The following MAPK10 variants were observed in gnomAD, a reference collection of about 807,000 sequenced individuals.
MAPK10 encodes mitogen-activated protein kinase 10.
MAPK10 carries 25 observed loss-of-function variants against 59.3 expected under a neutral mutation model. The observed-to-expected ratio is 0.42, with a 90% CI of 0.31 to 0.59. MAPK10 has a LOEUF of 0.59. MAPK10 is among the 20% of genes least tolerant of loss of function. The pLI is 0.15. For missense variants in MAPK10, 351 were observed against 568.9 expected, an observed-to-expected ratio of 0.62 and a Z score of 3.90; for synonymous variants, 190 against 200.5, an observed-to-expected ratio of 0.95 and a Z score of 0.44.
intron 1 of MAPK10, among the ~76,000 whole-genome samples, chr4:86,472,455 G>A (rs949344823): frequency 2.6e-5 from 4 of 152,052 alleles, no homozygotes; most frequent in Non-Finnish European, 5.9e-5. Flanking sequence ...GACCAGCCTG[G>A]GCAACATGGC....
intron 11 of MAPK10, among the ~76,000 whole-genome samples, chr4:86,049,562 T>C (rs1389262734): frequency 2.6e-5 from 4 of 152,124 alleles, no homozygotes; most frequent in East Asian, 3.8e-4. Context: ...AGACTAAAAC[T>C]GTTCAGTTTA....
Position 86,056,718 on chromosome 4 carries a change from T to C in MAPK10, c.1110+7548A>G, listed in dbSNP as rs189971893. Among the ~76,000 whole-genome samples the C allele has an allele frequency of 7.9e-4, 118 of 150,176 alleles. 10 individuals carry two copies. The highest frequency in any genetic ancestry group is 2.9e-3 in the African/African-American group (116 of 40,288). ...CCATCATCCTCAGTCATGTGAACTA[T>C]GCTCAAAGGCTTCAGATGGTCAATA... On this transcript the variant is annotated intron_variant, in intron 11 of 13. Coordinates refer to ENST00000641462, the MANE Select transcript of MAPK10 (RefSeq NM_138982.4).
intron 1 of MAPK10, among the ~76,000 whole-genome samples, chr4:86,391,303 C>T (rs1359995211): frequency 6.6e-6 from 1 of 152,106 alleles, no homozygotes; most frequent in Non-Finnish European, 1.5e-5. Context: ...AAAAGCTTTC[C>T]TTGAAAATTT....
chr4:86,033,319 C>G (rs994818305), intron 11 of MAPK10, among the ~76,000 whole-genome samples: 20 of 152,350 alleles, frequency 1.3e-4, no homozygotes, highest in Non-Finnish European at 2.9e-4. Flanking sequence ...CGACCTTGTC[C>G]AGGACCCCTG....
chr4:86,048,273 A>AT (rs1485498524), intron 11 of MAPK10, among the ~76,000 whole-genome samples: 1 of 152,094 alleles, frequency 6.6e-6, no homozygotes, highest in Non-Finnish European at 1.5e-5. Flanking sequence ...TGTGGAAGAT[A>AT]GACATAAAAA....
intron 4 of MAPK10, among the ~76,000 whole-genome samples, chr4:86,121,587 A>G (rs2059255538): frequency 6.6e-6 from 1 of 152,142 alleles, no homozygotes; most frequent in Admixed American, 6.6e-5. Context: ...GAGGATTACA[A>G]AATATATTTT....
chr4:86,120,500 T>C (rs984951250), intron 4 of MAPK10: 1 of 152,120 alleles, frequency 6.6e-6, no homozygotes, highest in Non-Finnish European at 1.5e-5. Flanking sequence ...GGAAAGAAAA[T>C]GGCTGCTCTA....
intron 4 of MAPK10, among the ~76,000 whole-genome samples, chr4:86,130,094 A>G (rs565870761): frequency 1.3e-5 from 2 of 152,238 alleles, no homozygotes; most frequent in African/African-American, 4.8e-5. Flanking sequence ...TTTTCTTTTG[A>G]CTAAGTGCTA....
intron 4 of MAPK10, among the ~76,000 whole-genome samples, chr4:86,133,097 A>T (rs1256911620): frequency 1.3e-5 from 2 of 152,208 alleles, no homozygotes; most frequent in Non-Finnish European, 2.9e-5. Flanking sequence ...CATTATCAGT[A>T]ATGAATTGTG....
chr4:86,033,932 G>A lies in MAPK10; in HGVS notation c.1111-2501C>T, dbSNP rs1020549414. On this transcript the variant is annotated intron_variant, in intron 11 of 13. Coordinates refer to ENST00000641462, the MANE Select transcript of MAPK10 (RefSeq NM_138982.4). The stretch of plus-strand genomic sequence containing the variant: ...TGCTGGGCAGCAATCATCAGGATGA[G>A]ATAGTTCAAAACATTCCCTGCCTCC... Among the ~76,000 whole-genome samples, 4 of 152,200 alleles carry A rather than the reference G, an allele frequency of 2.6e-5. 1 individual carries two copies. Among genetic ancestry groups the A allele is most frequent in the African/African-American group, 9.6e-5 (4 of 41,452 alleles).
chr4:86,060,247 T>C (rs908311516), intron 11 of MAPK10, among the ~76,000 whole-genome samples: 1 of 152,204 alleles, frequency 6.6e-6, no homozygotes, highest in African/African-American at 2.4e-5. Context: ...TATTTGAGTT[T>C]TGATGTACTT....
At chr4:86,384,704 C>T (rs775169064) in intron 1 of MAPK10, among the ~76,000 whole-genome samples, 5 of 152,058 alleles carry the variant, frequency 3.3e-5, no homozygotes, top group African/African-American at 7.2e-5. Flanking sequence ...AATGTGGAGA[C>T]GACAGATTTG....
intron 2 of MAPK10, among the ~76,000 whole-genome samples, chr4:86,210,176 T>C (rs192268579): frequency 1.1e-4 from 16 of 152,122 alleles, no homozygotes; most frequent in Middle Eastern, 6.8e-3. Flanking sequence ...AAAAGTTCTA[T>C]AGGAAAATTT....
chr4:86,483,250 C>T (rs1212200545), intron 1 of MAPK10, among the ~76,000 whole-genome samples: 2 of 152,124 alleles, frequency 1.3e-5, no homozygotes, highest in Non-Finnish European at 2.9e-5. Flanking sequence ...GCAGAATCCT[C>T]ACCGATTCTT....
At chr4:86,508,073 TC>T (rs1163685522) in intron 1 of MAPK10, among the ~76,000 whole-genome samples, 7 of 152,234 alleles carry the variant, frequency 4.6e-5, no homozygotes, top group African/African-American at 1.7e-4. Context: ...AACATTGTCT[TC>T]TTTTACCCTC....
chr4:86,572,341 A>G (rs2149108556), intron 1 of MAPK10, among the ~76,000 whole-genome samples: 1 of 152,272 alleles, frequency 6.6e-6, no homozygotes, highest in Non-Finnish European at 1.5e-5. Flanking sequence ...TTCTTTTTGC[A>G]TTAGAAACAA....
At chr4:86,189,491 T>G (rs541166273) in intron 3 of MAPK10, among the ~76,000 whole-genome samples, 24 of 152,288 alleles carry the variant, frequency 1.6e-4, no homozygotes, top group African/African-American at 5.8e-4. Flanking sequence ...TTCCTAGGTA[T>G]TTTATTCTCT....
At chr4:86,550,424 C>A in intron 1 of MAPK10, among the ~76,000 whole-genome samples, 1 of 135,780 alleles carries the variant, frequency 7.4e-6, no homozygotes, top group Admixed American at 7.5e-5. Flanking sequence ...CCAGGCCAGG[C>A]ACAGTGGCTT....
At chr4:86,193,649 T>A in intron 3 of MAPK10, 1 of 152,516 alleles carries the variant, frequency 6.6e-6, no homozygotes, top group East Asian at 1.9e-4. Flanking sequence ...TGCTGTGCTG[T>A]CAGTGAGAAT....
Sources: gnomAD v4.1 joint callset for allele counts (sites outside exome capture counted in the v4.1 genomes callset) on GRCh38, gnomAD v4.1.1 for gene constraint, MANE v1.5 for transcripts, NCBI Gene and HGNC (gene_info 2026-07-23, HGNC 2026-07-21) for gene names.